The following CHL1 variants were observed in gnomAD, a reference collection of about 807,000 sequenced individuals.
CHL1 encodes neural cell adhesion molecule L1-like protein.
A neutral mutation model predicts 141.9 loss-of-function variants in CHL1; 96 were observed. The ratio of observed to expected loss-of-function variants is 0.68; its 90% CI spans 0.57 to 0.80. CHL1 has a LOEUF of 0.80. CHL1 is among the 30% of genes least tolerant of loss of function. The pLI is 0.00. For synonymous variants in CHL1, 613 were observed against 502.2 expected (o/e 1.22, Z -2.95); for missense variants, 1,820 against 1,457.2 (o/e 1.25, Z -4.05).
Position 350,615 on chromosome 3 carries a change from A to AT in CHL1, c.1033+1072_1033+1073insT, listed in dbSNP as rs1324614275. Among the ~76,000 whole-genome samples the AT allele has an allele frequency of 2.0e-5, 3 of 151,624 alleles. No homozygotes were observed. In the East Asian group the frequency reaches 5.8e-4, roughly 29 times the overall value. ...CCTGTTGTTTAAATTAATGGAAAAA[A>AT]AAAAGGACTCAGACACAAATTCTCC... On this transcript the variant is annotated intron_variant, in intron 10 of 27. Transcript: ENST00000256509.
chr3:311,676 G>A (rs931093681), intron 2 of CHL1, among the ~76,000 whole-genome samples: 4 of 152,186 alleles, frequency 2.6e-5, no homozygotes. Context: ...CTCCAGGAGT[G>A]AAGCTAGTGG....
intron 1 of CHL1, among the ~76,000 whole-genome samples, chr3:225,240 C>T (rs74316541): frequency 6.6e-6 from 1 of 152,112 alleles, no homozygotes; most frequent in African/African-American, 2.4e-5. Flanking sequence ...GTATGTAACA[C>T]GTTTTCTGTT....
chr3:405,428 C>A, intron 27 of CHL1, 67 bp from the exon 28 acceptor site: 1 of 1,045,450 alleles, frequency 9.6e-7, no homozygotes, highest in Non-Finnish European at 1.5e-6. Context: ...TCACTTATGA[C>A]TGTGTTGCTT....
intron 1 of CHL1, among the ~76,000 whole-genome samples, chr3:226,877 T>C (rs762417110): frequency 1.3e-5 from 2 of 152,188 alleles, no homozygotes; most frequent in African/African-American, 4.8e-5. Context: ...AGACTTCATA[T>C]AGGAGAGTTT....
At chr3:248,543 G>A (rs1693393113) in intron 2 of CHL1, 1 of 152,082 alleles carries the variant, frequency 6.6e-6, no homozygotes, top group South Asian at 2.1e-4. Context: ...GGACATATCC[G>A]AGGACTCATG....
At chr3:382,753 G>A in intron 18 of CHL1, 82 bp downstream of exon 18, 1 of 1,198,648 alleles carries the variant, frequency 8.3e-7, no homozygotes. Flanking sequence ...AAGATTGATA[G>A]AGTAATGTAG....
At position 200,990 on chromosome 3, in the gene CHL1, G is replaced by C. The variant is rs150412279; in HGVS notation, c.-175+3927G>C. On this transcript the variant is annotated intron_variant, in intron 1 of 27. Transcript: ENST00000256509. ...ATAGCTTTCTCATTAGCACCACGTA[G>C]AGAATAATGAATTAACACATCCCTT... is the stretch of plus-strand genomic sequence containing the variant. Among the ~76,000 whole-genome samples, 206 of 152,276 alleles carry C rather than the reference G, an allele frequency of 1.4e-3. 1 individual carries two copies. Among genetic ancestry groups the C allele is most frequent in the African/African-American group, 4.7e-3 (194 of 41,564 alleles).
intron 2 of CHL1, among the ~76,000 whole-genome samples, chr3:311,530 C>T (rs1559236301): frequency 6.6e-6 from 1 of 152,080 alleles, no homozygotes; most frequent in African/African-American, 2.4e-5. Context: ...TAGCACTGCC[C>T]AGTCATGTGA....
At chr3:213,867 C>T (rs534284660) in intron 1 of CHL1, among the ~76,000 whole-genome samples, 1 of 152,178 alleles carries the variant, frequency 6.6e-6, no homozygotes, top group South Asian at 2.1e-4. Context: ...TGTTCATAAT[C>T]TAGTACCATT....
intron 1 of CHL1, chr3:197,958 G>C: frequency 2.7e-6 from 1 of 373,008 alleles, no homozygotes; most frequent in Non-Finnish European, 5.4e-6. Flanking sequence ...TTGGAGCCGG[G>C]AGGCTGGGGA....
rs781242145 is a variant in CHL1, at chr3:354,723, G to A, written c.1117G>A (p.Glu373Lys). The change falls in exon 11 of 28, where the codon GAA (glutamate) becomes AAA (lysine). Residue 373 changes from glutamate (E) to lysine (K), a missense_variant. Glu to Lys is a moderately conservative substitution (Grantham distance 56). Transcript: ENST00000256509. Reference sequence around the variant, plus strand: ...CATCTTGTTATGTGAGGCTGAAGGAGAACCTCAACCCACAATCAAGTGGAG... The same window carrying A: ...CATCTTGTTATGTGAGGCTGAAGGAAAACCTCAACCCACAATCAAGTGGAG... ...NGILLCEAEG[E>K]PQPTIKWRVN... is the part of the protein sequence containing the mutation. The A allele has an allele frequency of 7.4e-6, 12 of 1,613,980 alleles. No individual in the cohort carries two copies. The East Asian group carries it at 2.5e-4, about 33-fold the overall frequency.
intron 13 of CHL1, 62 bp downstream of exon 13, chr3:361,872 T>C: frequency 8.9e-7 from 1 of 1,120,804 alleles, no homozygotes. Context: ...CCTTGTTTCT[T>C]CATCCGTCAT....
rs1244958851 is a variant in CHL1 at position 409,282 on chromosome 3, T to C, written c.*3571T>C. On this transcript the variant is annotated 3_prime_UTR_variant, in exon 28 of 28. Transcript: ENST00000256509. ...TTTTGGCTTGGATTAATATTCATAG[T>C]AGAACTTTATAAAACGTGTTTGTAT... The C allele has an allele frequency of 6.6e-6, 1 of 152,108 alleles. No individual in the cohort carries two copies. Among genetic ancestry groups the C allele is most frequent in the Non-Finnish European group, 1.5e-5 (1 of 67,986 alleles). 9.4% of individuals were successfully genotyped at this position (152,108 alleles called of 1,614,324 possible).
chr3:354,700 T>C lies in CHL1; in HGVS notation c.1094T>C (p.Ile365Thr), dbSNP rs752903399. ...SAVYSTGSNG[I>T]LLCEAEGEPQ... The stretch of plus-strand genomic sequence containing the variant: ...GTGTATAGCACCGGAAGCAATGGCA[T>C]CTTGTTATGTGAGGCTGAAGGAGAA... The change falls in exon 11 of 28, where the codon ATC becomes ACC. Residue 365 changes from isoleucine (I) to threonine (T), a missense_variant. Coordinates refer to ENST00000256509, the MANE Select transcript of CHL1 (RefSeq NM_006614.4). 6.2e-7 allele frequency: 1 copy of C among 1,613,916 alleles called. No individual in the cohort carries two copies. Among genetic ancestry groups the C allele is most frequent in the African/African-American group, 1.3e-5 (1 of 74,904 alleles).
intron 2 of CHL1, among the ~76,000 whole-genome samples, chr3:283,667 T>A (rs902711047): frequency 6.6e-6 from 1 of 152,212 alleles, no homozygotes; most frequent in Non-Finnish European, 1.5e-5. Flanking sequence ...TACTGAAATA[T>A]GGGCTTGATC....
In CHL1 at chr3:399,227, T is replaced by A. The variant is rs544453396; in HGVS notation, c.3385+79T>A. 5.0e-4 allele frequency: 590 copies of A among 1,175,114 alleles called. 4 individuals are homozygous for A. Among genetic ancestry groups the A allele is most frequent in the South Asian group, 2.0e-3 (150 of 75,624 alleles). 72.8% of individuals were successfully genotyped at this position (1,175,114 alleles called of 1,614,324 possible). ...AGCATTCTTCAGAGACAACTTTTTTTAAAAATACACATTCAAGTCAAATTT... is the reference window on the plus strand; with the variant it reads ...AGCATTCTTCAGAGACAACTTTTTTAAAAAATACACATTCAAGTCAAATTT... On this transcript the variant is annotated intron_variant, in intron 26 of 27. Transcript: ENST00000256509.
intron 1 of CHL1, among the ~76,000 whole-genome samples, chr3:210,383 G>A (rs1246162980): frequency 6.6e-6 from 1 of 152,216 alleles, no homozygotes; most frequent in African/African-American, 2.4e-5. Context: ...GACAACTGAG[G>A]TAATATGGTG....
At chr3:276,022 C>G (rs1696063155) in intron 2 of CHL1, among the ~76,000 whole-genome samples, 1 of 151,636 alleles carries the variant, frequency 6.6e-6, no homozygotes, top group Non-Finnish European at 1.5e-5. Flanking sequence ...GTTCTAAAAA[C>G]TAATAATTAG....
intron 27 of CHL1, among the ~76,000 whole-genome samples, chr3:405,130 T>C (rs911206107): frequency 5.3e-5 from 8 of 152,130 alleles, no homozygotes; most frequent in African/African-American, 2.4e-5. Flanking sequence ...GTTATCAGGT[T>C]TTAACATAGG....
Sources: allele counts gnomAD v4.1 joint callset (sites outside exome capture counted in the v4.1 genomes callset), GRCh38; gene constraint gnomAD v4.1.1; transcripts MANE v1.5; gene names NCBI Gene and HGNC (gene_info 2026-07-23, HGNC 2026-07-21).